The following MMP26 variants were observed in gnomAD, a reference collection of about 807,000 sequenced individuals.
MMP26 encodes matrix metalloproteinase-26.
MMP26 carries 33 observed loss-of-function variants against 31.0 expected under a neutral mutation model. The ratio of observed to expected loss-of-function variants is 1.06; its 90% CI spans 0.81 to 1.42. MMP26 has a LOEUF of 1.42. Among genes scored for constraint, MMP26 ranks in the 40% most tolerant of loss-of-function variants. The pLI is 0.00. For missense variants in MMP26, 347 were observed against 316.1 expected, an observed-to-expected ratio of 1.10 and a Z score of -0.74; for synonymous variants, 122 against 114.9, an observed-to-expected ratio of 1.06 and a Z score of -0.40.
intron 2 of MMP26, among the ~76,000 whole-genome samples, chr11:4,938,760 A>G (rs1464502833): frequency 1.3e-5 from 2 of 152,150 alleles, no homozygotes; most frequent in Non-Finnish European, 2.9e-5. Flanking sequence ...CCAAACCTAT[A>G]TTCATACCAG....
intron 2 of MMP26, chr11:4,912,865 C>T (rs754780742): frequency 6.6e-5 from 10 of 151,868 alleles, no homozygotes; most frequent in Non-Finnish European, 1.0e-4. Context: ...GATTAACTTA[C>T]GTCTCACTTC....
chr11:4,781,686 T>A (rs969977084), intron 2 of MMP26, among the ~76,000 whole-genome samples: 1 of 147,678 alleles, frequency 6.8e-6, no homozygotes, highest in African/African-American at 2.5e-5. Flanking sequence ...TTGTATAAAA[T>A]ACCACCCTGA....
chr11:4,726,607 T>C (rs1034137707), intron 1 of MMP26, among the ~76,000 whole-genome samples: 1 of 152,242 alleles, frequency 6.6e-6, no homozygotes, highest in Non-Finnish European at 1.5e-5. Flanking sequence ...GAGGACTACT[T>C]GTAGCCAGCT....
At chr11:4,735,252 A>G (rs530959112) in intron 1 of MMP26, among the ~76,000 whole-genome samples, 2 of 152,310 alleles carry the variant, frequency 1.3e-5, no homozygotes, top group African/African-American at 4.8e-5. Flanking sequence ...ATTGTTTTTC[A>G]TTGACTATAT....
chr11:4,770,467 A>G (rs1190022228), intron 2 of MMP26, among the ~76,000 whole-genome samples: 1 of 152,194 alleles, frequency 6.6e-6, no homozygotes, highest in Non-Finnish European at 1.5e-5. Context: ...ATTATAAGAG[A>G]AAAACAATGA....
At chr11:4,707,668 G>T (rs1847797838) in intron 1 of MMP26, among the ~76,000 whole-genome samples, 1 of 152,176 alleles carries the variant, frequency 6.6e-6, no homozygotes. Context: ...TTCCTCCTAT[G>T]TTGAAATATG....
chr11:4,820,000 G>A (rs1362362053), intron 2 of MMP26, among the ~76,000 whole-genome samples: 2 of 152,068 alleles, frequency 1.3e-5, no homozygotes, highest in African/African-American at 4.8e-5. Context: ...TTCCAGAGAA[G>A]CCTAAAGAGC....
chr11:4,944,218 T>C (rs922424351), intron 2 of MMP26: 3 of 391,288 alleles, frequency 7.7e-6, no homozygotes, highest in Non-Finnish European at 1.5e-5. Context: ...TGTGAAAACA[T>C]ACGTAGTCCT....
intron 2 of MMP26, among the ~76,000 whole-genome samples, chr11:4,819,282 A>C (rs1222904645): frequency 6.6e-6 from 1 of 152,204 alleles, no homozygotes; most frequent in Non-Finnish European, 1.5e-5. Flanking sequence ...GTATAGGTGA[A>C]ATATGAGGCT....
rs761853376 is a variant in MMP26, at chr11:4,990,751, G to GA, written c.469+8dup. 1.7e-5 allele frequency: 27 copies of GA among 1,613,840 alleles called. No individual in the cohort carries two copies. The highest frequency in any genetic ancestry group is 2.1e-5 in the Non-Finnish European group (25 of 1,179,898). On this transcript the variant is annotated splice_donor_region_variant and intron_variant, in intron 5 of 7. Transcript: ENST00000380390. ...AGGTTTCTTTCTGGCAGTGGGGTAAGAAATTGACATGGGAAGAAGGATATG... is the reference window on the plus strand; with the variant it reads ...AGGTTTCTTTCTGGCAGTGGGGTAAGAAAATTGACATGGGAAGAAGGATATG...
At chr11:4,921,385 T>TAAAAC (rs1457695454) in intron 2 of MMP26, among the ~76,000 whole-genome samples, 1 of 151,986 alleles carries the variant, frequency 6.6e-6, no homozygotes, top group Non-Finnish European at 1.5e-5. Flanking sequence ...TAAAATACAA[T>TAAAAC]AAAACAAAAC....
chr11:4,751,774 G>A (rs369007077), intron 1 of MMP26, among the ~76,000 whole-genome samples: 1 of 152,098 alleles, frequency 6.6e-6, no homozygotes, highest in Non-Finnish European at 1.5e-5. Flanking sequence ...TCATGTGATT[G>A]TTGAGCAGAA....
At chr11:4,942,796 C>A (rs1255554404) in intron 2 of MMP26, 1 of 152,156 alleles carries the variant, frequency 6.6e-6, no homozygotes, top group Admixed American at 6.6e-5. Flanking sequence ...CATAGACCCA[C>A]ACAAATATAT....
intron 2 of MMP26, among the ~76,000 whole-genome samples, chr11:4,965,685 G>T (rs1846583276): frequency 1.3e-5 from 2 of 152,170 alleles, no homozygotes; most frequent in South Asian, 2.1e-4. Context: ...CAAACAGATG[G>T]GGAATTTGTT....
chr11:4,991,355 C>A lies in MMP26; in HGVS notation c.470-16C>A. On this transcript the variant is annotated splice_polypyrimidine_tract_variant and intron_variant, in intron 5 of 7. Transcript: ENST00000380390. ...ACCTCCACCCTCATTGTGATCATAG[C>A]TTCTGTCGTCCACAGCCCATGAAGA... 6.2e-7 allele frequency: 1 copy of A among 1,609,414 alleles called. No individual in the cohort carries two copies. The highest frequency in any genetic ancestry group is 8.5e-7 in the Non-Finnish European group (1 of 1,177,102).
chr11:4,850,431 TAAA>T (rs1849958923), intron 2 of MMP26, among the ~76,000 whole-genome samples: 1 of 152,140 alleles, frequency 6.6e-6, no homozygotes, highest in Admixed American at 6.5e-5. Flanking sequence ...TTTCCCAAAA[TAAA>T]AACCTGAGAA....
intron 2 of MMP26, among the ~76,000 whole-genome samples, chr11:4,833,683 G>T (rs145538157): frequency 1.3e-5 from 2 of 152,156 alleles, no homozygotes; most frequent in Non-Finnish European, 2.9e-5. Context: ...TGGCATGTAG[G>T]TTAGTGTTTA....
intron 1 of MMP26, among the ~76,000 whole-genome samples, chr11:4,755,463 G>A (rs1199698626): frequency 6.6e-6 from 1 of 151,896 alleles, no homozygotes; most frequent in African/African-American, 2.4e-5. Context: ...ATTTTTATAG[G>A]ATGCTTAACT....
intron 2 of MMP26, among the ~76,000 whole-genome samples, chr11:4,790,200 G>A (rs1042896384): frequency 6.6e-6 from 1 of 152,022 alleles, no homozygotes; most frequent in Non-Finnish European, 1.5e-5. Flanking sequence ...AATTAGCCGG[G>A]TGTGGTGGCA....
Sources: allele counts gnomAD v4.1 joint callset (sites outside exome capture counted in the v4.1 genomes callset), GRCh38; gene constraint gnomAD v4.1.1; transcripts MANE v1.5; gene names NCBI Gene and HGNC (gene_info 2026-07-23, HGNC 2026-07-21).